Variants in FNIP2 observed in about 807,000 individuals in gnomAD.
FNIP2 encodes the protein folliculin interacting protein 2, also known as folliculin-interacting protein 2.
A neutral mutation model predicts 108.7 loss-of-function variants in FNIP2; 32 were observed. The ratio of observed to expected loss-of-function variants is 0.29; its 90% CI spans 0.22 to 0.40. The LOEUF is 0.40. Among genes scored for constraint, FNIP2 ranks in the 10% least tolerant of loss-of-function variants. The pLI is 1.00. For synonymous variants in FNIP2, 480 were observed against 496.7 expected (o/e 0.97, Z 0.45); for missense variants, 1,202 against 1,381.6 (o/e 0.87, Z 2.06).
At chr4:158,838,840 T>A (rs919889023) in intron 7 of FNIP2, among the ~76,000 whole-genome samples, 2 of 152,206 alleles carry the variant, frequency 1.3e-5, no homozygotes, top group Admixed American at 1.3e-4. Context: ...CAGGCTTCTC[T>A]TAGCTGTGGT....
chr4:158,777,887 T>C (rs1422413021), intron 1 of FNIP2, among the ~76,000 whole-genome samples: 1 of 152,210 alleles, frequency 6.6e-6, no homozygotes, highest in African/African-American at 2.4e-5. Context: ...ATGTAAGCCT[T>C]TTCACACCCC....
intron 14 of FNIP2, among the ~76,000 whole-genome samples, chr4:158,884,980 A>T (rs1372558675): frequency 8.5e-5 from 6 of 70,270 alleles, no homozygotes; most frequent in Non-Finnish European, 2.4e-4. Flanking sequence ...ACCTCTGCTA[A>T]AAAAAAAAAA....
In FNIP2 at chr4:158,868,625, A is replaced by G. The variant is rs372440393; in HGVS notation, c.1989A>G (p.Ser663=). 1.1e-4 allele frequency: 179 copies of G among 1,614,016 alleles called. 1 individual carries two copies. In the African/African-American group the frequency reaches 2.2e-3, roughly 20 times the overall value. The change falls in exon 13 of 17, where the codon TCA becomes TCG. Residue 663 remains serine (S), a synonymous_variant. Coordinates refer to ENST00000264433, the MANE Select transcript of FNIP2 (RefSeq NM_020840.3). The surrounding 1 kb of genome is among the most constrained non-coding windows in gnomAD (Gnocchi z 4.6). ...AAGAGGCACCGCAAGATGGCTCTTC[A>G]AGACTTCCCAGCTGTGAAGTTTTGG... ...KNKEAPQDGS[S]RLPSCEVLGA... is the part of the protein sequence containing the mutation.
In FNIP2 at chr4:158,891,286, A is replaced by G. The variant is rs533571104; in HGVS notation, c.2950-160A>G. Among the ~76,000 whole-genome samples the G allele has an allele frequency of 4.9e-5, 7 of 144,150 alleles. No homozygotes were observed. The East Asian group carries it at 1.2e-3, about 25-fold the overall frequency. 94.6% of individuals were successfully genotyped at this position (144,150 alleles called of 152,430 possible). ...TTGTGACTGCTTCAGTGTTTACCCT[A>G]TTTACCCTATGGCATAATTTACCAG... On this transcript the variant is annotated intron_variant, in intron 14 of 16. Transcript: ENST00000264433.
At chr4:158,834,327 T>TCTCTCC (rs1447356630) in intron 6 of FNIP2, 1 of 150,216 alleles carries the variant, frequency 6.7e-6, no homozygotes, top group African/African-American at 2.5e-5. Flanking sequence ...TCTCTCTCTC[T>TCTCTCC]CTCCCTCTCT....
chr4:158,806,400 T>G (rs1234391379), intron 1 of FNIP2: 1 of 1,289,358 alleles, frequency 7.8e-7, no homozygotes, highest in South Asian at 1.2e-5. Context: ...ACAGGAGCAC[T>G]GACCACACGG....
chr4:158,778,890 C>T (rs1284936173), intron 1 of FNIP2, among the ~76,000 whole-genome samples: 1 of 152,206 alleles, frequency 6.6e-6, no homozygotes. Flanking sequence ...GCCATAAGCT[C>T]AAGTATATTT....
chr4:158,859,776 T>C lies in FNIP2; in HGVS notation c.1148+110T>C, dbSNP rs561395471. The C allele has an allele frequency of 3.3e-6, 3 of 920,962 alleles. 1 individual carries two copies. In the South Asian group the frequency reaches 4.4e-5, roughly 13 times the overall value. The allele number at this position is 920,962 out of a possible 1,614,324, so 57.0% of individuals were successfully genotyped here. A position where few individuals can be genotyped will look rare whatever the true frequency, so the allele number is the denominator to read the frequency against. On this transcript the variant is annotated intron_variant, in intron 10 of 16. Coordinates refer to ENST00000264433, the MANE Select transcript of FNIP2 (RefSeq NM_020840.3). ...GGGGCCTGGCAGTTATTCCTCACTT[T>C]TGTGGTTCCGCCCTTCAAGATGGAA... is the stretch of plus-strand genomic sequence containing the variant.
chr4:158,866,500 G>A, intron 12 of FNIP2, among the ~76,000 whole-genome samples: 1 of 151,632 alleles, frequency 6.6e-6, no homozygotes, highest in African/African-American at 2.4e-5. Context: ...TTACAGGTGT[G>A]AGCCACCGTG....
At chr4:158,832,043 C>T in intron 4 of FNIP2, 24 bp from the exon 5 acceptor site, 1 of 1,610,000 alleles carries the variant, frequency 6.2e-7, no homozygotes, top group South Asian at 1.1e-5. Context: ...TTATTTTTCC[C>T]CTCTCCTTTT....
intron 7 of FNIP2, among the ~76,000 whole-genome samples, chr4:158,839,531 T>C (rs931819503): frequency 6.8e-6 from 1 of 147,178 alleles, no homozygotes; most frequent in Non-Finnish European, 1.5e-5. Context: ...ACACCCAGAA[T>C]TTTTTTTTTT....
At chr4:158,838,982 T>C (rs1933662188) in intron 7 of FNIP2, among the ~76,000 whole-genome samples, 1 of 152,202 alleles carries the variant, frequency 6.6e-6, no homozygotes, top group African/African-American at 2.4e-5. Flanking sequence ...GGAAGGAAGA[T>C]CATAGAAGTA....
intron 1 of FNIP2, among the ~76,000 whole-genome samples, chr4:158,773,802 G>A (rs1775773354): frequency 6.6e-6 from 1 of 152,184 alleles, no homozygotes; most frequent in African/African-American, 2.4e-5. Context: ...AAGATGTTCA[G>A]CGGACACTCA....
intron 13 of FNIP2, 64 bp downstream of exon 13, chr4:158,869,492 C>T: frequency 6.8e-7 from 1 of 1,478,884 alleles, no homozygotes; most frequent in African/African-American, 1.4e-5. Flanking sequence ...TGGCCTGACA[C>T]CTGTGATGTT....
intron 8 of FNIP2, among the ~76,000 whole-genome samples, chr4:158,857,018 A>G (rs1780024529): frequency 6.6e-6 from 1 of 152,004 alleles, no homozygotes; most frequent in East Asian, 1.9e-4. Context: ...TAAGTTCTCC[A>G]CTCTATTATA....
intron 8 of FNIP2, among the ~76,000 whole-genome samples, chr4:158,853,381 T>TTTA (rs962608297): frequency 1.3e-5 from 2 of 152,192 alleles, no homozygotes; most frequent in Admixed American, 6.5e-5. Context: ...ATAAATTTTT[T>TTTA]TTATTATTAT....
At chr4:158,798,245 A>C (rs955810166) in intron 1 of FNIP2, among the ~76,000 whole-genome samples, 2 of 151,810 alleles carry the variant, frequency 1.3e-5, no homozygotes, top group African/African-American at 4.8e-5. Flanking sequence ...TAAATTTCTT[A>C]CAGAGACAGG....
chr4:158,816,734 G>A (rs1376091371), intron 1 of FNIP2, among the ~76,000 whole-genome samples: 3 of 149,538 alleles, frequency 2.0e-5, no homozygotes, highest in East Asian at 2.0e-4. Flanking sequence ...GCAGTGAGCC[G>A]AGATTGCACC....
rs1333310172 is a variant in FNIP2 at position 158,853,891 on chromosome 4, CAT to C, written c.857+2442_857+2443del. Among the ~76,000 whole-genome samples, 11 of 152,252 alleles carry C rather than the reference CAT, an allele frequency of 7.2e-5. No homozygotes were observed. In the East Asian group the frequency reaches 1.9e-3, roughly 27 times the overall value. ...TCTTACAAGAAACTAAAAATGTTCT[CAT>C]GAGTTATATATAATTCAAAAAGCCT... On this transcript the variant is annotated intron_variant, in intron 8 of 16. Coordinates refer to ENST00000264433, the MANE Select transcript of FNIP2 (RefSeq NM_020840.3).
Sources: allele counts gnomAD v4.1 joint callset (sites outside exome capture counted in the v4.1 genomes callset), GRCh38; gene constraint gnomAD v4.1.1; non-coding constraint Gnocchi (gnomAD v3.1); transcripts MANE v1.5; gene names NCBI Gene and HGNC (gene_info 2026-07-23, HGNC 2026-07-21).